SSUH2: variants seen among roughly 807,000 people sequenced by gnomAD.
The protein encoded by SSUH2 is ssu-2 homolog.
In SSUH2, 47 loss-of-function variants were observed where a neutral mutation model predicts 55.3. The observed-to-expected ratio is 0.85, with a 90% CI of 0.67 to 1.08. The LOEUF (loss-of-function observed/expected upper bound fraction) is 1.08, where lower values mean the gene tolerates loss of function less well. Among genes scored for constraint, SSUH2 ranks in the 50% least tolerant of loss-of-function variants. The pLI is 0.00. For missense variants in SSUH2, 535 were observed against 490.7 expected (o/e 1.09, Z -0.85); for synonymous variants, 212 against 191.5 (o/e 1.11, Z -0.89).
intron 6 of SSUH2, among the ~76,000 whole-genome samples, chr3:8,662,771 A>G (rs1703624276): frequency 3.9e-5 from 6 of 152,140 alleles, no homozygotes; most frequent in African/African-American, 1.4e-4. Flanking sequence ...GTCATTTCCT[A>G]CCTTATTGAC....
intron 1 of SSUH2, among the ~76,000 whole-genome samples, chr3:8,638,156 C>T (rs1254724158): frequency 2.0e-5 from 3 of 152,122 alleles, no homozygotes; most frequent in East Asian, 1.9e-4. Context: ...CTTTCTGGGG[C>T]GAAGGCCCAT....
Position 8,619,731 on chromosome 3 carries a change from A to G in SSUH2, c.*137T>C. 1.0e-6 allele frequency: 1 copy of G among 977,974 alleles called. No individual in the cohort carries two copies. The highest frequency in any genetic ancestry group is 1.5e-6 in the Non-Finnish European group (1 of 668,436). 60.6% of individuals were successfully genotyped at this position (977,974 alleles called of 1,614,324 possible). ...AAGGGGTTGGAGCTTGATAGATGAT[A>G]AGCTGGTTTTTCTGGAAGGACATGC... On this transcript the variant is annotated 3_prime_UTR_variant, in exon 12 of 12. Coordinates refer to ENST00000544814, the MANE Select transcript of SSUH2 (RefSeq NM_001256748.3).
At chr3:8,648,114 T>A (rs991809391), upstream of SSUH2, among the ~76,000 whole-genome samples, 1 of 152,134 alleles carries the variant, frequency 6.6e-6, no homozygotes, top group African/African-American at 2.4e-5. Context: ...GGAAGGGAGA[T>A]GCGTTCACAG....
intron 6 of SSUH2, 44 bp from the exon 7 acceptor site, chr3:8,629,770 ACTT>A (rs764859602): frequency 6.3e-7 from 1 of 1,579,830 alleles, no homozygotes; most frequent in Non-Finnish European, 8.7e-7. Flanking sequence ...CCCAAGGGCC[ACTT>A]CTCCCACACC....
At chr3:8,634,637 G>A (rs1409360181) in intron 3 of SSUH2, 1 of 1,248,432 alleles carries the variant, frequency 8.0e-7, no homozygotes, top group Non-Finnish European at 1.1e-6. Context: ...GGAGGAAGCA[G>A]GGTTCTTCCT....
chr3:8,623,827 TCA>T (rs1297550524), intron 10 of SSUH2, among the ~76,000 whole-genome samples, 171 bp from the exon 11 acceptor site: 4 of 152,064 alleles, frequency 2.6e-5, no homozygotes, highest in Non-Finnish European at 5.9e-5. Flanking sequence ...GGGCCTGCAG[TCA>T]GAGAGAGAAC....
chr3:8,661,252 C>A (rs1559509515), intron 6 of SSUH2, among the ~76,000 whole-genome samples: 1 of 152,368 alleles, frequency 6.6e-6, no homozygotes, highest in South Asian at 2.1e-4. Flanking sequence ...GCCTAGAACT[C>A]CGTTGCCCAG....
intron 3 of SSUH2, chr3:8,634,669 A>G (rs940283467): frequency 1.6e-5 from 17 of 1,064,266 alleles, no homozygotes; most frequent in Admixed American, 2.3e-5. Flanking sequence ...GTGGGTGTCC[A>G]TGGAGGAGAA....
intron 11 of SSUH2, among the ~76,000 whole-genome samples, chr3:8,621,190 C>T (rs1393870802): frequency 6.6e-6 from 1 of 152,230 alleles, no homozygotes; most frequent in South Asian, 2.1e-4. Context: ...TTCTTCTGCA[C>T]AAGATGTTCC....
At position 8,630,189 on chromosome 3, in the gene SSUH2, G is replaced by A. The variant is rs145281907; in HGVS notation, c.526-463C>T. On this transcript the variant is annotated intron_variant, in intron 6 of 11. Transcript: ENST00000544814. ...TGAGAAAGGAATAGAACACTTTCTCGACCTCTCAAAGTACTCTTTATCTTA... is the reference window on the plus strand; with the variant it reads ...TGAGAAAGGAATAGAACACTTTCTCAACCTCTCAAAGTACTCTTTATCTTA... Among the ~76,000 whole-genome samples, 675 of 152,190 alleles carry A rather than the reference G, an allele frequency of 4.4e-3. 10 individuals carry two copies. The highest frequency in any genetic ancestry group is 0.015 in the African/African-American group (615 of 41,516).
rs148287461 is a variant in SSUH2 at position 8,652,285 on chromosome 3, C to T, written c.-307+6640G>A. 2.9e-3 allele frequency among the ~76,000 whole-genome samples: 443 copies of T among 152,332 alleles called. 5 individuals are homozygous for T. The highest frequency in any genetic ancestry group is 0.01 in the African/African-American group (434 of 41,574). On this transcript the variant is annotated intron_variant, in intron 7 of 18. Transcript: ENST00000317371. ...CACCTGTACCACAATCTCCCCCAGT[C>T]CCAGGGTCTCAGGTGCTCTGTGATC...
chr3:8,658,430 C>A (rs1263941062), intron 7 of SSUH2, among the ~76,000 whole-genome samples: 1 of 152,228 alleles, frequency 6.6e-6, no homozygotes, highest in African/African-American at 2.4e-5. Flanking sequence ...CCCCAAGGGG[C>A]AGGACTGTTT....
At chr3:8,681,798 G>GA (rs1705972018) in intron 1 of SSUH2, 1 of 154,858 alleles carries the variant, frequency 6.5e-6, no homozygotes, top group Non-Finnish European at 1.4e-5. Flanking sequence ...AGGGTGGGGA[G>GA]GCACCCACCG....
chr3:8,629,663 C>CCAGTGGTTCACAGATGACTCAT lies in SSUH2; in HGVS notation c.588_588+1insATGAGTCATCTGTGAACCACTG (p.Val197MetfsTer5). 1 of 1,614,100 alleles carries CCAGTGGTTCACAGATGACTCAT rather than the reference C, an allele frequency of 6.2e-7. No individual in the cohort carries two copies. Among genetic ancestry groups the CCAGTGGTTCACAGATGACTCAT allele is most frequent in the Non-Finnish European group, 8.5e-7 (1 of 1,179,970 alleles). On this transcript the variant is annotated stop_gained and frameshift_variant and splice_region_variant. Transcript: ENST00000544814. LOFTEE classifies it high-confidence loss of function. ...TCACCAGTGGTTCACAGATGACTCA[C>CCAGTGGTTCACAGATGACTCAT]CGTGCCCGCCCCGTGGCAGCCGCTG...
At chr3:8,676,395 T>C (rs557693980) in intron 3 of SSUH2, among the ~76,000 whole-genome samples, 3 of 151,558 alleles carry the variant, frequency 2.0e-5, no homozygotes, top group Admixed American at 2.0e-4. Context: ...TTCTGTCATA[T>C]TGAAAGTAAT....
chr3:8,662,786 G>C (rs12152382), intron 6 of SSUH2, among the ~76,000 whole-genome samples: 11,676 of 152,234 alleles, frequency 0.077, 557 homozygotes, highest in East Asian at 0.18. Flanking sequence ...ATTGACTCTG[G>C]TCTTCATCCC....
At chr3:8,661,998 C>A (rs1384963510) in intron 6 of SSUH2, among the ~76,000 whole-genome samples, 4 of 152,164 alleles carry the variant, frequency 2.6e-5, no homozygotes, top group African/African-American at 9.7e-5. Flanking sequence ...TAAAACGTGC[C>A]TTTTGCCTTC....
rs1559296644 is a variant in SSUH2 at position 8,625,621 on chromosome 3, GAC to G, written c.792_793del (p.Ser265Ter). ...CCTGGGGCAGTTGAGCCGGTGCTCA[GAC>G]ACAAACTCAAACAAGCTGTTCTTCC... On this transcript the variant is annotated frameshift_variant, in exon 10 of 12. Transcript: ENST00000544814. LOFTEE classifies it high-confidence loss of function. 2 of 1,613,868 alleles carry G rather than the reference GAC, an allele frequency of 1.2e-6. No homozygotes were observed. The highest frequency in any genetic ancestry group is 1.7e-5 in the Admixed American group (1 of 60,020).
At chr3:8,668,203 T>G (rs575200260) in intron 5 of SSUH2, among the ~76,000 whole-genome samples, 1 of 152,252 alleles carries the variant, frequency 6.6e-6, no homozygotes, top group South Asian at 2.1e-4. Context: ...CTTCATTAAT[T>G]CCAGCCAGGT....
Sources: allele counts gnomAD v4.1 joint callset (sites outside exome capture counted in the v4.1 genomes callset), GRCh38; gene constraint gnomAD v4.1.1; transcripts MANE v1.5; gene names NCBI Gene and HGNC (gene_info 2026-07-23, HGNC 2026-07-21).